VKORC1L1: variants seen among roughly 807,000 people sequenced by gnomAD.
The protein encoded by VKORC1L1 is vitamin K epoxide reductase complex subunit 1-like protein 1.
Under a neutral mutation model 18.9 loss-of-function variants are expected in VKORC1L1, and 2 were observed. The ratio of observed to expected loss-of-function variants is 0.11; its 90% CI spans 0.04 to 0.33. The LOEUF (loss-of-function observed/expected upper bound fraction) is 0.33, where lower values mean the gene tolerates loss of function less well. VKORC1L1 is among the 10% of genes least tolerant of loss of function. VKORC1L1 has a pLI of 1.00. For synonymous variants in VKORC1L1, 96 were observed against 100.0 expected (o/e 0.96, Z 0.24); for missense variants, 123 against 224.1 (o/e 0.55, Z 2.88).
At chr7:65,895,506 T>C (rs1197288222) in intron 1 of VKORC1L1, among the ~76,000 whole-genome samples, 42 of 94,334 alleles carry the variant, frequency 4.5e-4, no homozygotes, top group African/African-American at 1.5e-3. Flanking sequence ...TATATATATA[T>C]ATATATATAT....
At chr7:65,914,029 T>C (rs1197630996) in intron 1 of VKORC1L1, among the ~76,000 whole-genome samples, 1 of 152,184 alleles carries the variant, frequency 6.6e-6, no homozygotes, top group East Asian at 1.9e-4. Context: ...TTCTTGAGTT[T>C]AGAGGCATTA....
intron 1 of VKORC1L1, among the ~76,000 whole-genome samples, chr7:65,909,144 AT>A (rs58181516): frequency 0.5 from 61,395 of 122,634 alleles, 15,789 homozygotes; most frequent in East Asian, 0.79. Flanking sequence ...GCCCAGCCTA[AT>A]TTTTTTTTTT....
In VKORC1L1 at chr7:65,958,555, C is replaced by G. The variant is rs1440258746; in HGVS notation, c.*4255C>G. 1 of 152,172 alleles carries G rather than the reference C, an allele frequency of 6.6e-6. No homozygotes were observed. The highest frequency in any genetic ancestry group is 1.9e-4 in the East Asian group (1 of 5,194). 9.4% of individuals were successfully genotyped at this position (152,172 alleles called of 1,614,324 possible). On this transcript the variant is annotated 3_prime_UTR_variant, in exon 3 of 3. Transcript: ENST00000360768. ...GTAGAAGTTACCTGTGGAAGTTGTG[C>G]TCCCATTATTCTTAAACTGCAGGGT...
intron 2 of VKORC1L1, among the ~76,000 whole-genome samples, chr7:65,953,062 C>T (rs923878222): frequency 1.3e-5 from 2 of 151,770 alleles, no homozygotes; most frequent in African/African-American, 2.4e-5. Flanking sequence ...CTCCCAAAGT[C>T]CTAGCATTAC....
intron 2 of VKORC1L1, among the ~76,000 whole-genome samples, chr7:65,952,295 C>T (rs538257851): frequency 2.0e-5 from 3 of 152,196 alleles, no homozygotes; most frequent in African/African-American, 7.2e-5. Flanking sequence ...CGCAGCCACT[C>T]AACTCTTCTA....
intron 1 of VKORC1L1, among the ~76,000 whole-genome samples, chr7:65,917,397 G>C (rs1326579611): frequency 6.6e-6 from 1 of 152,082 alleles, no homozygotes; most frequent in Non-Finnish European, 1.5e-5. Context: ...ATTCCTGTAA[G>C]TCTCTCCATG....
intron 1 of VKORC1L1, among the ~76,000 whole-genome samples, chr7:65,898,248 G>A (rs1468806979): frequency 1.3e-5 from 2 of 151,606 alleles, no homozygotes; most frequent in South Asian, 2.1e-4. Context: ...CATCACGCCC[G>A]GCTAATTTTT....
intron 1 of VKORC1L1, among the ~76,000 whole-genome samples, chr7:65,922,289 T>A (rs955549235): frequency 1.3e-5 from 2 of 151,880 alleles, no homozygotes; most frequent in African/African-American, 2.4e-5. Flanking sequence ...TTTTTTTTTT[T>A]TCTTGAGACA....
At chr7:65,926,869 A>G (rs1789773706) in intron 1 of VKORC1L1, among the ~76,000 whole-genome samples, 1 of 152,168 alleles carries the variant, frequency 6.6e-6, no homozygotes, top group African/African-American at 2.4e-5. Context: ...ACCAAAAACA[A>G]TATGTTCTCA....
At chr7:65,929,363 G>A (rs1206871275) in intron 1 of VKORC1L1, among the ~76,000 whole-genome samples, 6 of 152,132 alleles carry the variant, frequency 3.9e-5, no homozygotes, top group Non-Finnish European at 5.9e-5. Context: ...AGTGAGCCGA[G>A]ATCGCGCCAC....
chr7:65,932,060 C>T (rs1313391702), intron 1 of VKORC1L1, among the ~76,000 whole-genome samples: 1 of 151,994 alleles, frequency 6.6e-6, no homozygotes, highest in Non-Finnish European at 1.5e-5. Flanking sequence ...TGCTTTCCTT[C>T]GTTCTGCTTG....
chr7:65,938,183 G>A (rs949277647), intron 1 of VKORC1L1, among the ~76,000 whole-genome samples: 6 of 151,928 alleles, frequency 3.9e-5, no homozygotes, highest in African/African-American at 7.3e-5. Flanking sequence ...GCGACCGAGC[G>A]AGACTCCGTC....
In VKORC1L1 at chr7:65,958,939, G is replaced by A. The variant is rs1289963591; in HGVS notation, c.*4639G>A. The A allele has an allele frequency of 6.6e-6, 1 of 152,206 alleles. No individual in the cohort carries two copies. Among genetic ancestry groups the A allele is most frequent in the Non-Finnish European group, 1.5e-5 (1 of 68,050 alleles). 9.4% of individuals were successfully genotyped at this position (152,206 alleles called of 1,614,324 possible). On this transcript the variant is annotated 3_prime_UTR_variant, in exon 3 of 3. Coordinates refer to ENST00000360768, the MANE Select transcript of VKORC1L1 (RefSeq NM_173517.6). ...ATCGGCAAGAAAGATGAATCCGTTG[G>A]AAATACAGCTGAGCCATACTTCACG...
At chr7:65,872,999 C>T (rs1197183194), upstream of VKORC1L1, among the ~76,000 whole-genome samples, 1 of 110,272 alleles carries the variant, frequency 9.1e-6, no homozygotes, top group Non-Finnish European at 2.4e-5. Context: ...ATCCCCACCC[C>T]TGCCCCACCC....
intron 1 of VKORC1L1, among the ~76,000 whole-genome samples, chr7:65,880,044 G>C (rs957974031): frequency 1.2e-4 from 18 of 151,832 alleles, no homozygotes; most frequent in South Asian, 2.1e-4. Context: ...TCATAGTGAC[G>C]AGGTCTCACT....
At chr7:65,913,764 T>G (rs1583844802) in intron 1 of VKORC1L1, among the ~76,000 whole-genome samples, 17 of 127,310 alleles carry the variant, frequency 1.3e-4, no homozygotes, top group Middle Eastern at 4.1e-3. Flanking sequence ...GGGGGTGAGA[T>G]GTGGTGGAAT....
chr7:65,872,383 G>A (rs1201299959), upstream of VKORC1L1, among the ~76,000 whole-genome samples: 1 of 151,670 alleles, frequency 6.6e-6, no homozygotes, highest in Non-Finnish European at 1.5e-5. Flanking sequence ...CACGATCTTG[G>A]CTCACTGCAA....
chr7:65,947,063 C>T (rs117332224), intron 1 of VKORC1L1, among the ~76,000 whole-genome samples: 1 of 151,910 alleles, frequency 6.6e-6, no homozygotes, highest in Non-Finnish European at 1.5e-5. Flanking sequence ...ACTTGAACCT[C>T]GGAGGTCAAG....
chr7:65,906,076 G>A (rs1383816888), intron 1 of VKORC1L1, among the ~76,000 whole-genome samples: 2 of 151,790 alleles, frequency 1.3e-5, no homozygotes, highest in Non-Finnish European at 2.9e-5. Flanking sequence ...GCGTTTTGAA[G>A]ACACATTCCG....
Sources: allele counts gnomAD v4.1 joint callset (sites outside exome capture counted in the v4.1 genomes callset), GRCh38; gene constraint gnomAD v4.1.1; transcripts MANE v1.5; gene names NCBI Gene and HGNC (gene_info 2026-07-23, HGNC 2026-07-21).